The following CA4 variants were observed in gnomAD, a reference collection of about 807,000 sequenced individuals.
CA4 encodes carbonic anhydrase 4.
CA4 carries 24 observed loss-of-function variants against 34.5 expected under a neutral mutation model. The ratio of observed to expected loss-of-function variants is 0.70; its 90% confidence interval spans 0.50 to 0.98. CA4 has a LOEUF of 0.98. CA4 is among the 50% of genes least tolerant of loss of function. The probability of loss-of-function intolerance (pLI) is 0.00; values close to 1 mark genes in which losing one functional copy is unlikely to be tolerated. For missense variants in CA4, 394 were observed against 396.7 expected, an observed-to-expected ratio of 0.99 and a Z score of 0.06; for synonymous variants, 178 against 170.6, an observed-to-expected ratio of 1.04 and a Z score of -0.34.
chr17:60,170,196 C>A (rs1463631050), intron 5 of CA4, among the ~76,000 whole-genome samples: 1 of 152,222 alleles, frequency 6.6e-6, no homozygotes. Context: ...TTGTTCTCTC[C>A]TTTCCCAGGA....
downstream of CA4, among the ~76,000 whole-genome samples, chr17:60,162,089 G>A (rs980196591): frequency 1.4e-4 from 22 of 152,106 alleles, no homozygotes; most frequent in Non-Finnish European, 3.1e-4. Context: ...GAGCCAGAAC[G>A]GGCACAGCTT....
chr17:60,150,669 A>AAAGAAAAG (rs2083575196), intron 1 of CA4, among the ~76,000 whole-genome samples: 2 of 137,512 alleles, frequency 1.5e-5, no homozygotes, highest in African/African-American at 5.9e-5. Context: ...AAAAAAAAAA[A>AAAGAAAAG]AAAAAAAAAA....
intron 2 of CA4, among the ~76,000 whole-genome samples, chr17:60,155,634 A>C (rs2083669074): frequency 6.6e-6 from 1 of 151,056 alleles, no homozygotes; most frequent in East Asian, 2.0e-4. Context: ...ACTCACACTC[A>C]CACATGCACA....
At chr17:60,158,875 G>A in intron 7 of CA4, 1 of 427,214 alleles carries the variant, frequency 2.3e-6, no homozygotes. Flanking sequence ...AGGAACTCTG[G>A]GGGTGGAGCC....
rs1555574056 is a variant in CA4, at chr17:60,169,279, G to GCAGCAGCAA, written c.*179-1265_*179-1257dup. The stretch of plus-strand genomic sequence containing the variant: ...AAAAAAAAAAGCAGCAGCAGCAGCA[G>GCAGCAGCAA]CAGCAGCAACAGCAGATTCGCAGAT... On this transcript the variant is annotated intron_variant and NMD_transcript_variant, in intron 5 of 5. Coordinates refer to the CA4 transcript ENST00000586876. Among the ~76,000 whole-genome samples the GCAGCAGCAA allele has an allele frequency of 2.7e-5, 4 of 150,458 alleles. No homozygotes were observed. In the East Asian group the frequency reaches 7.8e-4, roughly 29 times the overall value.
chr17:60,176,108 G>A, the CA4 span, among the ~76,000 whole-genome samples: 2 of 152,094 alleles, frequency 1.3e-5, no homozygotes, highest in Non-Finnish European at 2.9e-5. Flanking sequence ...GAGCCACTGC[G>A]CCTGGTCCAT....
intron 1 of CA4, among the ~76,000 whole-genome samples, chr17:60,153,279 A>G (rs892304464): frequency 6.6e-6 from 1 of 152,178 alleles, no homozygotes; most frequent in Admixed American, 6.5e-5. Flanking sequence ...TGGAGGTTGC[A>G]GTGAGCCAAG....
the CA4 span, among the ~76,000 whole-genome samples, chr17:60,177,082 C>G: frequency 1.3e-5 from 2 of 152,144 alleles, no homozygotes; most frequent in African/African-American, 2.4e-5. Context: ...GGGAATCCTG[C>G]TCTACAGAGT....
intron 2 of CA4, 95 bp from the exon 3 acceptor site, chr17:60,156,465 G>C: frequency 8.0e-7 from 1 of 1,248,080 alleles, no homozygotes; most frequent in South Asian, 1.2e-5. Context: ...TTCTGTGTGG[G>C]AACTGAGTGG....
intron 5 of CA4, among the ~76,000 whole-genome samples, chr17:60,168,338 A>G (rs56115330): frequency 1 from 23,737 of 23,758 alleles, 11,864 homozygotes; most frequent in Middle Eastern, 1. Context: ...GGGGAGGTGA[A>G]GAAGGGTGAT....
chr17:60,165,097 G>C (rs554310518), intron 5 of CA4, among the ~76,000 whole-genome samples: 2 of 152,142 alleles, frequency 1.3e-5, no homozygotes, highest in Non-Finnish European at 2.9e-5. Context: ...CTTTTTATTG[G>C]AGAGGGCAAT....
chr17:60,157,506 G>A lies in CA4; in HGVS notation c.348G>A (p.Leu116=). ...CATACCAGGCCAAACAGTTGCACCTGCACTGGTCCGACTTGCCATATAAGG... is the reference window on the plus strand; with the variant it reads ...CATACCAGGCCAAACAGTTGCACCTACACTGGTCCGACTTGCCATATAAGG... ...PAPYQAKQLH[L]HWSDLPYKGS... Residue 116 remains leucine, a synonymous_variant, in exon 4 of 8, where the codon CTG becomes CTA. Coordinates refer to ENST00000300900, the MANE Select transcript of CA4 (RefSeq NM_000717.5). 2 of 1,614,198 alleles carry A rather than the reference G, an allele frequency of 1.2e-6. No individual in the cohort carries two copies. Among genetic ancestry groups the A allele is most frequent in the Non-Finnish European group, 1.7e-6 (2 of 1,180,016 alleles).
At chr17:60,174,402 A>C (rs942586744), downstream of CA4, among the ~76,000 whole-genome samples, 1 of 151,866 alleles carries the variant, frequency 6.6e-6, no homozygotes, top group African/African-American at 2.4e-5. Context: ...TCTTCATGGG[A>C]AAAACAAAAC....
rs555555240 is a variant in CA4, at chr17:60,150,197, G to C, written c.58+105G>C. On this transcript the variant is annotated intron_variant, in intron 1 of 7. Coordinates refer to ENST00000300900, the MANE Select transcript of CA4 (RefSeq NM_000717.5). ...CCCCGCGGGCGACCGGTGAGCGTCG[G>C]TGGCGCTGGGGTCCCGGGTTGCGTG... The C allele has an allele frequency of 2.5e-5, 24 of 974,804 alleles. No homozygotes were observed. In the African/African-American group the frequency reaches 3.5e-4, roughly 14 times the overall value. The allele number at this position is 974,804 out of a possible 1,614,324, so 60.4% of individuals were successfully genotyped here.
intron 1 of CA4, among the ~76,000 whole-genome samples, chr17:60,151,927 G>C (rs1052518318): frequency 4.6e-5 from 7 of 151,796 alleles, no homozygotes; most frequent in African/African-American, 1.7e-4. Context: ...GGGAGCGACT[G>C]AGACTTTGCC....
chr17:60,157,276 T>TA, intron 3 of CA4, 151 bp from the exon 4 acceptor site: 2 of 756,854 alleles, frequency 2.6e-6, no homozygotes, highest in Non-Finnish European at 2.3e-6. Context: ...TCCCACCCTG[T>TA]CCCACCCCGC....
At chr17:60,177,285 A>T in the CA4 span, among the ~76,000 whole-genome samples, 1 of 152,226 alleles carries the variant, frequency 6.6e-6, no homozygotes, top group Non-Finnish European at 1.5e-5. Context: ...ATAAACAGGT[A>T]CACCCCATAT....
Position 60,157,794 on chromosome 17 carries a change from A to G in CA4, c.513+6A>G, listed in dbSNP as rs762987801. On this transcript the variant is annotated splice_donor_region_variant and intron_variant, in intron 5 of 7. Coordinates refer to ENST00000300900, the MANE Select transcript of CA4 (RefSeq NM_000717.5). ...TGCTGGCCTTTCTGGTGGAGGTGGG[A>G]CTCCCATCCCCCACTTCCCGGGGAA... The G allele has an allele frequency of 2.4e-5, 39 of 1,607,278 alleles. No individual in the cohort carries two copies. Among genetic ancestry groups the G allele is most frequent in the Non-Finnish European group, 3.3e-5 (39 of 1,174,292 alleles).
At chr17:60,152,716 C>T (rs923315513) in intron 1 of CA4, among the ~76,000 whole-genome samples, 1 of 152,128 alleles carries the variant, frequency 6.6e-6, no homozygotes, top group East Asian at 1.9e-4. Flanking sequence ...AAGACCTCTG[C>T]GGGTGGGGAC....
Sources: allele counts gnomAD v4.1 joint callset (sites outside exome capture counted in the v4.1 genomes callset), GRCh38; gene constraint gnomAD v4.1.1; transcripts MANE v1.5; gene names NCBI Gene and HGNC (gene_info 2026-07-23, HGNC 2026-07-21).